RASGRP1: variants seen among roughly 807,000 people sequenced by gnomAD.
RASGRP1 encodes the protein RAS guanyl-releasing protein 1.
RASGRP1 carries 37 observed loss-of-function variants against 95.1 expected under a neutral mutation model. That is an observed-to-expected ratio of 0.39 (90% confidence interval 0.30 to 0.51). The LOEUF is 0.51. Among genes scored for constraint, RASGRP1 ranks in the 20% least tolerant of loss-of-function variants. The pLI is 0.80. For missense variants in RASGRP1, 711 were observed against 965.4 expected, an observed-to-expected ratio of 0.74 and a Z score of 3.49; for synonymous variants, 325 against 353.4, an observed-to-expected ratio of 0.92 and a Z score of 0.90.
intron 2 of RASGRP1, among the ~76,000 whole-genome samples, chr15:38,552,526 C>A (rs1893381166): frequency 6.6e-6 from 1 of 152,174 alleles, no homozygotes; most frequent in Non-Finnish European, 1.5e-5. Flanking sequence ...TAACAAGCTA[C>A]TAACATGACT....
chr15:38,564,241 A>C (rs1419253103), intron 1 of RASGRP1, among the ~76,000 whole-genome samples: 2 of 152,194 alleles, frequency 1.3e-5, no homozygotes, highest in African/African-American at 4.8e-5. Context: ...GGCAGCGCGG[A>C]AAGTCCGCGA....
At chr15:38,529,599 CTTTA>C (rs1487979309) in intron 2 of RASGRP1, among the ~76,000 whole-genome samples, 1 of 152,130 alleles carries the variant, frequency 6.6e-6, no homozygotes, top group African/African-American at 2.4e-5. Context: ...AAGTTATCTG[CTTTA>C]TTTATTTAAT....
intron 2 of RASGRP1, among the ~76,000 whole-genome samples, chr15:38,554,827 C>T (rs1038338200): frequency 6.6e-6 from 1 of 152,238 alleles, no homozygotes; most frequent in Non-Finnish European, 1.5e-5. Context: ...GCCACGACTA[C>T]TAGCGACTGG....
chr15:38,531,894 A>G (rs1241626129), intron 2 of RASGRP1, among the ~76,000 whole-genome samples: 2 of 151,752 alleles, frequency 1.3e-5, no homozygotes, highest in African/African-American at 4.8e-5. Context: ...GCTCTATACA[A>G]CCTCATCAGG....
chr15:38,512,943 T>C lies in RASGRP1; in HGVS notation c.689A>G (p.Gln230Arg). 1 of 1,554,644 alleles carries C rather than the reference T, an allele frequency of 6.4e-7. No individual in the cohort carries two copies. Among genetic ancestry groups the C allele is most frequent in the Non-Finnish European group, 8.7e-7 (1 of 1,153,814 alleles). Reference sequence around the variant, plus strand: ...CACACAGCTATTTACAAGGTAATTCTGATAATCAGAGAACTGCAGGAAAAG... The same window carrying C: ...CACACAGCTATTTACAAGGTAATTCCGATAATCAGAGAACTGCAGGAAAAG... ...SFRRISFSDYQNYLVNSCVKE... is the reference protein window; with the variant it reads ...SFRRISFSDYRNYLVNSCVKE... The change falls in exon 7 of 17, where the codon CAG (glutamine) becomes CGG (arginine). Residue 230 changes from glutamine (Q) to arginine (R), a missense_variant. By Grantham distance (43) the Gln-to-Arg change is conservative. Around this residue, in one of 3 missense-constraint regions of RASGRP1, gnomAD observed 491 missense variants for 676.6 expected, o/e 0.73. Transcript: ENST00000310803.
intron 16 of RASGRP1, 80 bp downstream of exon 16, chr15:38,494,302 T>A: frequency 1.3e-6 from 2 of 1,537,730 alleles, no homozygotes; most frequent in Non-Finnish European, 1.8e-6. Flanking sequence ...GATCTGAATC[T>A]TCAGTCCACA....
At chr15:38,542,370 C>G (rs141917019) in intron 2 of RASGRP1, among the ~76,000 whole-genome samples, 1 of 152,000 alleles carries the variant, frequency 6.6e-6, no homozygotes, top group African/African-American at 2.4e-5. Flanking sequence ...AAACCACCAA[C>G]GGAACTCAAA....
intron 1 of RASGRP1, among the ~76,000 whole-genome samples, chr15:38,563,913 T>A (rs1893915168): frequency 6.6e-6 from 1 of 152,244 alleles, no homozygotes; most frequent in South Asian, 2.1e-4. Context: ...CCTTTGTTCA[T>A]GCAGTTGCCT....
chr15:38,526,614 C>T (rs1454376088), intron 2 of RASGRP1, among the ~76,000 whole-genome samples: 1 of 152,102 alleles, frequency 6.6e-6, no homozygotes, highest in Non-Finnish European at 1.5e-5. Flanking sequence ...ATTAACTACC[C>T]CTTTTCCTCT....
At chr15:38,524,649 A>G (rs751366443) in intron 3 of RASGRP1, among the ~76,000 whole-genome samples, 2 of 152,186 alleles carry the variant, frequency 1.3e-5, no homozygotes, top group Non-Finnish European at 2.9e-5. Flanking sequence ...TTACGAAGTG[A>G]GGAGTAGTAA....
intron 15 of RASGRP1, among the ~76,000 whole-genome samples, chr15:38,495,275 T>C (rs1024915321): frequency 6.6e-6 from 1 of 152,194 alleles, no homozygotes; most frequent in African/African-American, 2.4e-5. Flanking sequence ...TGTGGAAATG[T>C]ACCTTAAAAT....
At chr15:38,491,999 T>C (rs766374193) in intron 16 of RASGRP1, among the ~76,000 whole-genome samples, 5 of 152,198 alleles carry the variant, frequency 3.3e-5, no homozygotes, top group Non-Finnish European at 5.9e-5. Flanking sequence ...AAGGACCAAA[T>C]AGGCTGTAGA....
intron 5 of RASGRP1, among the ~76,000 whole-genome samples, chr15:38,516,939 G>A (rs1293229716): frequency 1.3e-5 from 2 of 152,012 alleles, no homozygotes; most frequent in African/African-American, 4.8e-5. Flanking sequence ...ACCCTAGAGT[G>A]CGCCCTGCCC....
At chr15:38,519,820 A>G (rs1158731734) in intron 3 of RASGRP1, among the ~76,000 whole-genome samples, 3 of 147,186 alleles carry the variant, frequency 2.0e-5, no homozygotes, top group Admixed American at 6.9e-5. Flanking sequence ...ATACACATGT[A>G]TGCAGTGAAT....
At chr15:38,495,520 G>C (rs1033826798) in intron 15 of RASGRP1, among the ~76,000 whole-genome samples, 7 of 152,158 alleles carry the variant, frequency 4.6e-5, no homozygotes, top group African/African-American at 1.7e-4. Context: ...ACATTGGATA[G>C]TCTGACTTTG....
At chr15:38,507,342 A>C (rs1891301596) in intron 9 of RASGRP1, among the ~76,000 whole-genome samples, 1 of 151,874 alleles carries the variant, frequency 6.6e-6, no homozygotes, top group Non-Finnish European at 1.5e-5. Flanking sequence ...TGTTTTTTAA[A>C]TTACTGCCTG....
intron 6 of RASGRP1, among the ~76,000 whole-genome samples, chr15:38,514,453 TA>T (rs1891679431): frequency 6.6e-6 from 1 of 152,200 alleles, no homozygotes. Context: ...CTTGTTTTTT[TA>T]AAACAATTAT....
chr15:38,532,396 C>A (rs950294035), intron 2 of RASGRP1, among the ~76,000 whole-genome samples: 27 of 152,100 alleles, frequency 1.8e-4, no homozygotes, highest in African/African-American at 6.5e-4. Flanking sequence ...GCTAGAGAAG[C>A]ATATTAATTA....
At position 38,559,977 on chromosome 15, in the gene RASGRP1, A is replaced by G. The variant is rs370615853; in HGVS notation, c.64T>C (p.Ser22Pro). ...GGCTTTGCCTCTAGTCTTGCTTTAG[A>G]GGCAGCTCTGCAGCCATGGGAAGGT... ...RKPSHGCRAA[S>P]KARLEAKPAN... is the part of the protein sequence containing the mutation. Residue 22 changes from serine (S) to proline (P), a missense_variant, in exon 2 of 17, where the codon TCT becomes CCT. Transcript: ENST00000310803. 5 of 1,613,086 alleles carry G rather than the reference A, an allele frequency of 3.1e-6. No individual in the cohort carries two copies. Among genetic ancestry groups the G allele is most frequent in the Non-Finnish European group, 4.2e-6 (5 of 1,179,596 alleles).
Sources: allele counts gnomAD v4.1 joint callset (sites outside exome capture counted in the v4.1 genomes callset), GRCh38; gene constraint gnomAD v4.1.1; regional missense constraint gnomAD v4.1.1; transcripts MANE v1.5; gene names NCBI Gene and HGNC (gene_info 2026-07-23, HGNC 2026-07-21).